Variants in SGTB observed in about 807,000 individuals in gnomAD.
The protein encoded by SGTB is small glutamine-rich tetratricopeptide repeat-containing protein beta.
SGTB carries 19 observed loss-of-function variants against 43.9 expected under a neutral mutation model. That is an observed-to-expected ratio of 0.43 (90% CI 0.30 to 0.63). The LOEUF (loss-of-function observed/expected upper bound fraction) is 0.63, where lower values mean the gene tolerates loss of function less well. Among genes scored for constraint, SGTB ranks in the 30% least tolerant of loss-of-function variants. The pLI, the probability that SGTB is intolerant of heterozygous loss-of-function variation, is 0.12. For synonymous variants in SGTB, 116 were observed against 117.3 expected, an observed-to-expected ratio of 0.99 and a Z score of 0.07; for missense variants, 304 against 358.9, an observed-to-expected ratio of 0.85 and a Z score of 1.24.
chr5:65,672,991 G>A (rs1189807041), intron 8 of SGTB, among the ~76,000 whole-genome samples: 2 of 152,132 alleles, frequency 1.3e-5, no homozygotes, highest in East Asian at 3.9e-4. Flanking sequence ...AGTGCTAAAG[G>A]CATTACACAG....
chr5:65,701,927 C>T (rs1283655879), intron 5 of SGTB, among the ~76,000 whole-genome samples: 1 of 152,182 alleles, frequency 6.6e-6, no homozygotes, highest in Non-Finnish European at 1.5e-5. Context: ...GCCACTGCGC[C>T]CGGCCTAAAT....
Position 65,707,399 on chromosome 5 carries a change from C to T in SGTB, c.274+1090G>A, listed in dbSNP as rs375615355. Among the ~76,000 whole-genome samples, 254 of 133,062 alleles carry T rather than the reference C, an allele frequency of 1.9e-3. 2 individuals carry two copies. The highest frequency in any genetic ancestry group is 7.9e-3 in the African/African-American group (249 of 31,620). The allele number at this position is 133,062 out of a possible 152,430, so 87.3% of individuals were successfully genotyped here. A position where few individuals can be genotyped will look rare whatever the true frequency, so the allele number is the denominator to read the frequency against. On this transcript the variant is annotated intron_variant, in intron 4 of 10. Transcript: ENST00000381007. ...TTTAGATACCAGCTGATTTTATACA[C>T]ACACACACACACACACACACACACA...
At chr5:65,713,128 TTCTGA>T in intron 2 of SGTB, 64 bp from the exon 3 acceptor site, 1 of 1,263,280 alleles carries the variant, frequency 7.9e-7, no homozygotes, top group Non-Finnish European at 1.1e-6. Context: ...AGTTTTTTTT[TTCTGA>T]TAGAACTGCA....
chr5:65,679,644 C>CAA (rs888631078), intron 8 of SGTB, among the ~76,000 whole-genome samples: 3 of 151,210 alleles, frequency 2.0e-5, no homozygotes, highest in Admixed American at 6.6e-5. Flanking sequence ...ACAACAACAA[C>CAA]AAAAAAAACA....
chr5:65,679,976 T>C (rs924543969), intron 8 of SGTB, among the ~76,000 whole-genome samples: 1 of 152,240 alleles, frequency 6.6e-6, no homozygotes, highest in Admixed American at 6.5e-5. Flanking sequence ...TGGAATGCTA[T>C]GCAGCCAAAA....
At chr5:65,722,331 C>T (rs762525534), upstream of SGTB, 2 of 1,515,174 alleles carry the variant, frequency 1.3e-6, no homozygotes, top group African/African-American at 2.9e-5. Context: ...CGCCCCACGC[C>T]GAAGGACCAC....
chr5:65,687,831 C>T (rs1318354292), intron 5 of SGTB, among the ~76,000 whole-genome samples: 1 of 152,120 alleles, frequency 6.6e-6, no homozygotes, highest in Non-Finnish European at 1.5e-5. Context: ...TGCAGTGGCG[C>T]GATCTCGGCT....
rs1280479459 is a variant in SGTB at position 65,668,968 on chromosome 5, T to C, written c.*1278A>G. The C allele has an allele frequency of 2.0e-5, 3 of 152,116 alleles. No homozygotes were observed. Among genetic ancestry groups the C allele is most frequent in the African/African-American group, 7.2e-5 (3 of 41,404 alleles). The allele number at this position is 152,116 out of a possible 1,614,324, so 9.4% of individuals were successfully genotyped here. A position where few individuals can be genotyped will look rare whatever the true frequency, so the allele number is the denominator to read the frequency against. ...GTTTTCCCTCGTAAAACTTGTGAAG[T>C]CATTACATGTCAGCACCAATTTCAT... On this transcript the variant is annotated 3_prime_UTR_variant, in exon 11 of 11. Transcript: ENST00000381007.
chr5:65,678,615 C>G (rs917955340), intron 8 of SGTB, among the ~76,000 whole-genome samples: 2 of 152,182 alleles, frequency 1.3e-5, no homozygotes. Context: ...GCTACAATAA[C>G]CAAAACTGCA....
intron 3 of SGTB, among the ~76,000 whole-genome samples, chr5:65,711,057 C>T (rs574233718): frequency 9.1e-4 from 138 of 150,920 alleles, no homozygotes; most frequent in Non-Finnish European, 1.6e-3. Flanking sequence ...CCCAGCTACT[C>T]GGGAGGCTAA....
chr5:65,679,017 CTT>C (rs1379407166), intron 8 of SGTB, among the ~76,000 whole-genome samples: 6 of 152,124 alleles, frequency 3.9e-5, no homozygotes, highest in Admixed American at 6.5e-5. Flanking sequence ...TAAAGAGTTT[CTT>C]TTCCACACCA....
chr5:65,690,683 C>T (rs1273720860), intron 5 of SGTB, among the ~76,000 whole-genome samples: 2 of 152,136 alleles, frequency 1.3e-5, no homozygotes, highest in Non-Finnish European at 2.9e-5. Context: ...TTTTACTAAT[C>T]ATCCTTTTAA....
intron 4 of SGTB, among the ~76,000 whole-genome samples, chr5:65,704,671 G>C (rs542132296): frequency 6.6e-6 from 1 of 152,130 alleles, no homozygotes; most frequent in East Asian, 1.9e-4. Context: ...CATGGCAAAA[G>C]TGAATCTCTT....
At chr5:65,702,952 C>T (rs930010778) in intron 5 of SGTB, among the ~76,000 whole-genome samples, 1 of 152,162 alleles carries the variant, frequency 6.6e-6, no homozygotes, top group Non-Finnish European at 1.5e-5. Context: ...AAAACAGATA[C>T]ATTCCTAGGG....
chr5:65,672,058 C>T, intron 9 of SGTB, 60 bp from the exon 10 acceptor site: 4 of 1,597,398 alleles, frequency 2.5e-6, no homozygotes, highest in Non-Finnish European at 3.4e-6. Flanking sequence ...AATAGGACAA[C>T]TGGACGAGGA....
intron 2 of SGTB, among the ~76,000 whole-genome samples, chr5:65,717,234 G>C (rs1268933798): frequency 6.6e-6 from 1 of 151,972 alleles, no homozygotes; most frequent in Non-Finnish European, 1.5e-5. Flanking sequence ...TAGAAGGAGA[G>C]GAGTTGGAGA....
intron 6 of SGTB, among the ~76,000 whole-genome samples, chr5:65,684,766 T>C (rs1757464374): frequency 6.6e-6 from 1 of 152,096 alleles, no homozygotes; most frequent in East Asian, 1.9e-4. Context: ...TTGGGCAGGC[T>C]GGTCTTAAAC....
At chr5:65,710,995 CAA>C (rs982877268) in intron 3 of SGTB, among the ~76,000 whole-genome samples, 92 of 93,148 alleles carry the variant, frequency 9.9e-4, no homozygotes, top group African/African-American at 1.9e-3. Flanking sequence ...GACTCTGTCT[CAA>C]AAAAAAAAAA....
intron 3 of SGTB, among the ~76,000 whole-genome samples, chr5:65,712,555 T>A (rs530658454): frequency 1.3e-3 from 204 of 152,292 alleles, no homozygotes; most frequent in Non-Finnish European, 2.6e-3. Context: ...TCCAGAGGAA[T>A]CCATTTCTGC....
Sources: gnomAD v4.1 joint callset for allele counts (sites outside exome capture counted in the v4.1 genomes callset) on GRCh38, gnomAD v4.1.1 for gene constraint, MANE v1.5 for transcripts, NCBI Gene and HGNC (gene_info 2026-07-23, HGNC 2026-07-21) for gene names.